SAXO1: variants seen among roughly 807,000 people sequenced by gnomAD.
The protein encoded by SAXO1 is 4930500O09Rik.
Under a neutral mutation model 17.5 loss-of-function variants are expected in SAXO1, and 21 were observed. The ratio of observed to expected loss-of-function variants is 1.20; its 90% CI spans 0.85 to 1.72. The LOEUF (loss-of-function observed/expected upper bound fraction) is 1.72, where lower values mean the gene tolerates loss of function less well. SAXO1 is among the 40% of genes most tolerant of loss of function. The probability of loss-of-function intolerance (pLI) is 0.00; values close to 1 mark genes in which losing one functional copy is unlikely to be tolerated. For missense variants in SAXO1, 843 were observed against 596.0 expected (o/e 1.41, Z -4.32); for synonymous variants, 274 against 216.5 (o/e 1.27, Z -2.33).
intron 2 of SAXO1, among the ~76,000 whole-genome samples, chr9:18,944,374 C>T (rs1831705150): frequency 6.6e-6 from 1 of 152,210 alleles, no homozygotes; most frequent in African/African-American, 2.4e-5. Context: ...CTGTCATTAA[C>T]CGCAACATAA....
intron 3 of SAXO1, among the ~76,000 whole-genome samples, chr9:18,938,589 C>T (rs1045344227): frequency 6.6e-6 from 1 of 152,046 alleles, no homozygotes; most frequent in African/African-American, 2.4e-5. Context: ...TCTCACCAGG[C>T]CCCACCTCCA....
At chr9:19,010,150 A>G (rs1834666661) in intron 1 of SAXO1, among the ~76,000 whole-genome samples, 2 of 27,828 alleles carry the variant, frequency 7.2e-5, no homozygotes, top group Non-Finnish European at 2.0e-4. Context: ...TCTAAAAAAA[A>G]ACAACAACAA....
intron 1 of SAXO1, among the ~76,000 whole-genome samples, chr9:19,013,540 AT>A (rs1219136885): frequency 0.028 from 2,629 of 93,068 alleles, 16 homozygotes; most frequent in African/African-American, 0.057. Context: ...AAAAGTACGG[AT>A]TTTTTTTTTT....
intron 1 of SAXO1, chr9:19,027,939 A>C (rs1465780101): frequency 1.4e-6 from 2 of 1,433,858 alleles, no homozygotes; most frequent in Non-Finnish European, 2.0e-6. Context: ...GATGAACGTC[A>C]GTCCTGACGT....
chr9:18,933,173 T>TG (rs1831129335), intron 3 of SAXO1, among the ~76,000 whole-genome samples: 1 of 152,190 alleles, frequency 6.6e-6, no homozygotes, highest in Non-Finnish European at 1.5e-5. Context: ...AGATTTTTTT[T>TG]GTGAATGCCC....
Position 18,928,204 on chromosome 9 carries a change from G to A in SAXO1, c.1273C>T (p.Pro425Ser), listed in dbSNP as rs775052327. 4 of 1,614,188 alleles carry A rather than the reference G, an allele frequency of 2.5e-6. No homozygotes were observed. The highest frequency in any genetic ancestry group is 2.2e-5 in the East Asian group (1 of 44,878). The change falls in exon 4 of 4, where the codon CCT becomes TCT. Residue 425 changes from proline to serine, a missense_variant. By Grantham distance (74) the Pro-to-Ser change is moderately conservative (BLOSUM62 -1). Transcript: ENST00000380534. ...TCAAAGGTGTAGCCAGGAGGCTCAG[G>A]ATATGAAGCTAGGCACCTGCCCATT... The part of the protein sequence containing the change: ...KEMGRCLASY[P>S]EPPGYTFEEV...
chr9:19,028,791 T>G (rs1030017674), intron 1 of SAXO1, among the ~76,000 whole-genome samples: 3 of 152,216 alleles, frequency 2.0e-5, no homozygotes, highest in African/African-American at 7.2e-5. Context: ...ACTGAAAAGT[T>G]TTACAAGTGA....
chr9:18,936,344 C>T (rs942731025), intron 3 of SAXO1, among the ~76,000 whole-genome samples: 1 of 152,120 alleles, frequency 6.6e-6, no homozygotes, highest in Non-Finnish European at 1.5e-5. Context: ...TGAATATAAA[C>T]CACATGTTTC....
At chr9:18,986,061 C>A (rs1833580137) in intron 1 of SAXO1, among the ~76,000 whole-genome samples, 1 of 152,216 alleles carries the variant, frequency 6.6e-6, no homozygotes, top group Non-Finnish European at 1.5e-5. Context: ...CATGATTGCA[C>A]TTTCATTCTT....
intron 1 of SAXO1, among the ~76,000 whole-genome samples, chr9:19,017,141 G>C (rs972772457): frequency 6.6e-6 from 1 of 151,940 alleles, no homozygotes; most frequent in South Asian, 2.1e-4. Context: ...AGAACTTGTT[G>C]CAAGGCAAAG....
At chr9:18,956,575 A>G (rs1311064688) in intron 1 of SAXO1, among the ~76,000 whole-genome samples, 7 of 152,168 alleles carry the variant, frequency 4.6e-5, no homozygotes, top group Admixed American at 3.9e-4. Flanking sequence ...AGAGGCAGGA[A>G]GATCTGGTTC....
chr9:18,983,923 G>A (rs572179762), intron 1 of SAXO1, among the ~76,000 whole-genome samples: 4 of 152,236 alleles, frequency 2.6e-5, no homozygotes, highest in East Asian at 1.9e-4. Context: ...ACATTCTATG[G>A]CAGCTACAGT....
intron 2 of SAXO1, 54 bp downstream of exon 2, chr9:18,950,704 G>A: frequency 2.0e-6 from 3 of 1,489,818 alleles, no homozygotes; most frequent in Non-Finnish European, 2.8e-6. Context: ...AGCACTGCAT[G>A]TTACTCCATT....
chr9:18,935,148 C>G (rs912661442), intron 3 of SAXO1, among the ~76,000 whole-genome samples: 10 of 152,064 alleles, frequency 6.6e-5, no homozygotes, highest in Non-Finnish European at 1.2e-4. Context: ...CCTCCTGACC[C>G]CATGATCTGC....
At chr9:18,948,667 G>A (rs1443361985) in intron 2 of SAXO1, among the ~76,000 whole-genome samples, 1 of 152,078 alleles carries the variant, frequency 6.6e-6, no homozygotes, top group East Asian at 1.9e-4. Context: ...TTGCATCTGG[G>A]GGCCTCAGAG....
intron 1 of SAXO1, among the ~76,000 whole-genome samples, chr9:18,974,176 A>G (rs923627106): frequency 1.1e-4 from 17 of 152,220 alleles, no homozygotes; most frequent in Non-Finnish European, 2.5e-4. Context: ...CAGTAAATAC[A>G]TTCAAAATAG....
intron 1 of SAXO1, among the ~76,000 whole-genome samples, chr9:19,022,572 A>C (rs1018897614): frequency 6.6e-6 from 1 of 152,166 alleles, no homozygotes; most frequent in African/African-American, 2.4e-5. Flanking sequence ...TGAAAGAGAA[A>C]TTGGACCATT....
chr9:19,025,031 T>C (rs890251475), intron 1 of SAXO1, among the ~76,000 whole-genome samples: 5 of 152,198 alleles, frequency 3.3e-5, no homozygotes, highest in Admixed American at 2.6e-4. Flanking sequence ...ATTTGACATA[T>C]ACCCACTTGT....
intron 3 of SAXO1, among the ~76,000 whole-genome samples, chr9:18,939,455 T>C (rs1831453980): frequency 6.6e-6 from 1 of 152,192 alleles, no homozygotes; most frequent in Admixed American, 6.5e-5. Flanking sequence ...ACACAATGCA[T>C]GATAAGACAG....
Sources: allele counts gnomAD v4.1 joint callset (sites outside exome capture counted in the v4.1 genomes callset), GRCh38; gene constraint gnomAD v4.1.1; transcripts MANE v1.5; gene names NCBI Gene and HGNC (gene_info 2026-07-23, HGNC 2026-07-21).